PPP1R9A: variants seen among roughly 807,000 people sequenced by gnomAD.
PPP1R9A encodes protein phosphatase 1 regulatory subunit 9A, also known as neurabin-1.
PPP1R9A carries 59 observed loss-of-function variants against 141.9 expected under a neutral mutation model. The ratio of observed to expected loss-of-function variants is 0.42; its 90% CI spans 0.34 to 0.52. The LOEUF (loss-of-function observed/expected upper bound fraction) is 0.52. PPP1R9A is among the 20% of genes least tolerant of loss of function. PPP1R9A has a pLI of 0.10. For synonymous variants in PPP1R9A, 500 were observed against 569.7 expected (o/e 0.88, Z 1.74); for missense variants, 1,444 against 1,611.9 (o/e 0.90, Z 1.78).
chr7:95,081,980 GCTTATAGTATTGGATTGC>G (rs1815913474), intron 2 of PPP1R9A, among the ~76,000 whole-genome samples: 1 of 152,116 alleles, frequency 6.6e-6, no homozygotes, highest in Non-Finnish European at 1.5e-5. Context: ...ACTTCAGGGG[GCTTATAGTATTGGATTGC>G]CTTAGAAATC....
At chr7:95,130,170 G>A (rs1204639540) in intron 4 of PPP1R9A, among the ~76,000 whole-genome samples, 1 of 152,116 alleles carries the variant, frequency 6.6e-6, no homozygotes, top group Non-Finnish European at 1.5e-5. Context: ...AGGAAAAGTG[G>A]TTTCATGGGC....
chr7:95,201,750 T>C (rs1789615423), intron 6 of PPP1R9A, among the ~76,000 whole-genome samples: 1 of 152,192 alleles, frequency 6.6e-6, no homozygotes, highest in Non-Finnish European at 1.5e-5. Flanking sequence ...TGTTAATCAG[T>C]CACTTGGTTT....
chr7:94,952,601 A>G (rs1313205998), intron 2 of PPP1R9A, among the ~76,000 whole-genome samples: 1 of 152,096 alleles, frequency 6.6e-6, no homozygotes, highest in Non-Finnish European at 1.5e-5. Flanking sequence ...ATTTCTCTAC[A>G]TCCTCTCCAG....
chr7:95,293,974 T>G lies in PPP1R9A; in HGVS notation c.*3671T>G, dbSNP rs1025082789. The stretch of plus-strand genomic sequence containing the variant: ...GCAGCCCTGAGAGAACCATCTATAC[T>G]TTGGATATGTTGTAGCCCCATCATT... On this transcript the variant is annotated 3_prime_UTR_variant, in exon 20 of 20. Coordinates refer to ENST00000433360, the MANE Select transcript of PPP1R9A (RefSeq NM_001166160.2). The G allele has an allele frequency of 2.5e-4, 38 of 152,226 alleles. No individual in the cohort carries two copies. The highest frequency in any genetic ancestry group is 8.0e-4 in the African/African-American group (33 of 41,456). 9.4% of individuals were successfully genotyped at this position (152,226 alleles called of 1,614,324 possible). A position where few individuals can be genotyped will look rare whatever the true frequency, so the allele number is the denominator to read the frequency against.
Position 95,198,428 on chromosome 7 carries a change from C to T in PPP1R9A, c.1834C>T (p.Arg612Cys), listed in dbSNP as rs200450439. 3.3e-4 allele frequency: 531 copies of T among 1,612,976 alleles called. No individual in the cohort carries two copies. Among genetic ancestry groups the T allele is most frequent in the Non-Finnish European group, 4.2e-4 (490 of 1,179,586 alleles). Residue 612 changes from arginine to cysteine, a missense_variant, in exon 6 of 20, where the codon CGC becomes TGC. By Grantham distance (180) the Arg-to-Cys change is radical. Coordinates refer to ENST00000433360, the MANE Select transcript of PPP1R9A (RefSeq NM_001166160.2). ...LISQTLEQER[R>C]QRELLEQHYA... ...AAGCCAGACACTGGAACAGGAGAGG[C>T]GCCAGAGAGAGCTGCTGGAACAGCA...
intron 16 of PPP1R9A, among the ~76,000 whole-genome samples, chr7:95,279,379 A>G (rs1303836670): frequency 6.6e-6 from 1 of 152,204 alleles, no homozygotes; most frequent in Non-Finnish European, 1.5e-5. Context: ...GTGTGTGAGT[A>G]GAAAAACACC....
intron 5 of PPP1R9A, among the ~76,000 whole-genome samples, chr7:95,181,383 G>A (rs1321905671): frequency 7.5e-6 from 1 of 133,236 alleles, no homozygotes; most frequent in Non-Finnish European, 1.5e-5. Flanking sequence ...TATATAGAGA[G>A]AATAGAGAGA....
intron 8 of PPP1R9A, among the ~76,000 whole-genome samples, chr7:95,227,301 A>G (rs1052004197): frequency 6.6e-6 from 1 of 152,186 alleles, no homozygotes; most frequent in South Asian, 2.1e-4. Flanking sequence ...TTACCAGTTG[A>G]GTATGACCCC....
intron 2 of PPP1R9A, among the ~76,000 whole-genome samples, chr7:95,067,740 A>G (rs1412763025): frequency 6.6e-6 from 1 of 152,016 alleles, no homozygotes; most frequent in Non-Finnish European, 1.5e-5. Context: ...GGTTTGAGAG[A>G]ATTTCTCCAA....
intron 2 of PPP1R9A, among the ~76,000 whole-genome samples, chr7:94,976,605 T>C (rs528374010): frequency 6.6e-6 from 1 of 152,260 alleles, no homozygotes. Flanking sequence ...CTAACATGTT[T>C]TATTCTTAAT....
intron 2 of PPP1R9A, among the ~76,000 whole-genome samples, chr7:95,051,157 C>G (rs1053676934): frequency 6.6e-6 from 1 of 151,216 alleles, no homozygotes; most frequent in Admixed American, 6.6e-5. Context: ...TGGTCTGTGT[C>G]TTGGTTCTTT....
intron 2 of PPP1R9A, among the ~76,000 whole-genome samples, chr7:95,077,718 A>G (rs1180001527): frequency 1.3e-5 from 2 of 152,206 alleles, no homozygotes; most frequent in South Asian, 2.1e-4. Context: ...AGAGATAGCT[A>G]GGATTCAGAT....
At chr7:95,170,105 A>T (rs1308867779) in intron 5 of PPP1R9A, among the ~76,000 whole-genome samples, 1 of 151,814 alleles carries the variant, frequency 6.6e-6, no homozygotes, top group East Asian at 1.9e-4. Context: ...TGTACATTGG[A>T]TGGGATAACA....
At chr7:95,123,234 G>A (rs1338191872) in intron 4 of PPP1R9A, among the ~76,000 whole-genome samples, 1 of 152,098 alleles carries the variant, frequency 6.6e-6, no homozygotes, top group African/African-American at 2.4e-5. Flanking sequence ...TTAGAACTCT[G>A]CTTTACCAGT....
At chr7:94,993,979 C>T (rs1228271118) in intron 2 of PPP1R9A, among the ~76,000 whole-genome samples, 1 of 152,060 alleles carries the variant, frequency 6.6e-6, no homozygotes, top group East Asian at 1.9e-4. Flanking sequence ...CTTTTCCTTG[C>T]CCATTACAAG....
intron 2 of PPP1R9A, among the ~76,000 whole-genome samples, chr7:95,010,307 G>A (rs1804231953): frequency 6.6e-6 from 1 of 152,110 alleles, no homozygotes; most frequent in Non-Finnish European, 1.5e-5. Context: ...TGGAGGCTGA[G>A]GTGGAAGGAT....
chr7:95,258,239 G>A (rs1799902634), intron 12 of PPP1R9A, among the ~76,000 whole-genome samples: 1 of 152,080 alleles, frequency 6.6e-6, no homozygotes, highest in African/African-American at 2.4e-5. Flanking sequence ...CCTCATTGTG[G>A]TTTTGATTTG....
At chr7:95,104,372 A>G (rs1261948610) in intron 2 of PPP1R9A, among the ~76,000 whole-genome samples, 3 of 152,232 alleles carry the variant, frequency 2.0e-5, no homozygotes, top group Admixed American at 2.0e-4. Context: ...TTTTAAGGAC[A>G]GAAATCTGGG....
chr7:95,245,720 C>CT (rs1396999460), intron 8 of PPP1R9A, among the ~76,000 whole-genome samples: 4 of 152,174 alleles, frequency 2.6e-5, no homozygotes, highest in African/African-American at 4.8e-5. Context: ...TGCACTAATA[C>CT]TCTGAGCATC....
Sources: allele counts gnomAD v4.1 joint callset (sites outside exome capture counted in the v4.1 genomes callset), GRCh38; gene constraint gnomAD v4.1.1; transcripts MANE v1.5; gene names NCBI Gene and HGNC (gene_info 2026-07-23, HGNC 2026-07-21).